The following SLC4A4 variants were observed in gnomAD, a reference collection of about 807,000 sequenced individuals.
SLC4A4 encodes solute carrier family 4 member 4.
Under a neutral mutation model 111.5 loss-of-function variants are expected in SLC4A4, and 27 were observed. The ratio of observed to expected loss-of-function variants is 0.24; its 90% CI spans 0.18 to 0.33. The LOEUF is 0.33. SLC4A4 is among the 10% of genes least tolerant of loss of function. The pLI is 1.00. For synonymous variants in SLC4A4, 443 were observed against 463.4 expected (o/e 0.96, Z 0.57); for missense variants, 909 against 1,315.5 (o/e 0.69, Z 4.78).
At chr4:71,515,686 T>C (rs1007229623) in intron 16 of SLC4A4, among the ~76,000 whole-genome samples, 7 of 152,224 alleles carry the variant, frequency 4.6e-5, no homozygotes, top group Admixed American at 3.3e-4. Flanking sequence ...AATTGTTATA[T>C]CCTCTTCCTG....
rs980495959 is a variant in SLC4A4 at position 71,459,201 on chromosome 4, C to G, written c.1497+5532C>G. Among the ~76,000 whole-genome samples the G allele has an allele frequency of 4.0e-5, 6 of 151,866 alleles. No individual in the cohort carries two copies. In the East Asian group the frequency reaches 1.2e-3, roughly 29 times the overall value. On this transcript the variant is annotated intron_variant, in intron 12 of 25. Transcript: ENST00000264485. ...TTTGTCACCCTATTTCCTTGATGAT[C>G]AGAAAATGATAGTGATTTAGGCAGG...
chr4:71,225,548 G>A (rs1350429628), intron 1 of SLC4A4, among the ~76,000 whole-genome samples: 3 of 152,160 alleles, frequency 2.0e-5, no homozygotes, highest in South Asian at 2.1e-4. Flanking sequence ...TAAAATTTCA[G>A]GAGCCTCATC....
At chr4:71,556,046 G>T (rs969038605) in intron 21 of SLC4A4, among the ~76,000 whole-genome samples, 3 of 151,926 alleles carry the variant, frequency 2.0e-5, no homozygotes, top group Admixed American at 6.6e-5. Flanking sequence ...CATGTCCTGT[G>T]AACATCATAA....
At chr4:71,439,155 A>G (rs1487548787) in intron 7 of SLC4A4, among the ~76,000 whole-genome samples, 2 of 152,018 alleles carry the variant, frequency 1.3e-5, no homozygotes, top group African/African-American at 2.4e-5. Flanking sequence ...CCAGCCAGAC[A>G]CAGTGGCTCA....
chr4:71,257,981 T>C (rs1476591394), intron 3 of SLC4A4, among the ~76,000 whole-genome samples: 1 of 152,230 alleles, frequency 6.6e-6, no homozygotes, highest in Non-Finnish European at 1.5e-5. Flanking sequence ...ACCTCTTGCA[T>C]AGACACTGCA....
chr4:71,285,709 A>G (rs905740656), intron 3 of SLC4A4, among the ~76,000 whole-genome samples: 2 of 152,194 alleles, frequency 1.3e-5, no homozygotes, highest in Non-Finnish European at 2.9e-5. Context: ...CATTGAAAAG[A>G]TGCATTTAAA....
chr4:71,381,895 G>A (rs186423138), intron 6 of SLC4A4, among the ~76,000 whole-genome samples: 9 of 152,294 alleles, frequency 5.9e-5, no homozygotes, highest in African/African-American at 2.2e-4. Context: ...CCTGAACAAA[G>A]TGAGAAGTGC....
intron 4 of SLC4A4, among the ~76,000 whole-genome samples, chr4:71,340,021 A>T (rs936809714): frequency 6.6e-6 from 1 of 151,732 alleles, no homozygotes; most frequent in African/African-American, 2.4e-5. Context: ...GTTCAAGACC[A>T]GCCTGGGCAA....
chr4:71,093,419 C>T (rs548488556), intron 2 of SLC4A4, among the ~76,000 whole-genome samples: 39 of 152,234 alleles, frequency 2.6e-4, no homozygotes, highest in African/African-American at 6.7e-4. Flanking sequence ...CTGCCTGTCT[C>T]GGCTTCTCAA....
At chr4:71,541,037 C>T (rs951055865) in intron 18 of SLC4A4, among the ~76,000 whole-genome samples, 2 of 152,086 alleles carry the variant, frequency 1.3e-5, no homozygotes, top group African/African-American at 4.8e-5. Context: ...TGTTTATCAG[C>T]ATTTCTAGTC....
rs1390074035 is a variant in SLC4A4, at chr4:71,567,796, GA to G, written c.*47del. ...TTTTCCTTTTTCTCTAGTCCTCCTA[GA>G]ACTCCAGTAAAAGTTGTGCCTCAAA... On this transcript the variant is annotated 3_prime_UTR_variant, in exon 26 of 26. Transcript: ENST00000264485. 1.3e-6 allele frequency: 2 copies of G among 1,497,376 alleles called. No homozygotes were observed. The highest frequency in any genetic ancestry group is 1.8e-6 in the Non-Finnish European group (2 of 1,108,192). 92.8% of individuals were successfully genotyped at this position (1,497,376 alleles called of 1,614,324 possible).
intron 1 of SLC4A4, among the ~76,000 whole-genome samples, chr4:71,231,931 G>A (rs1367736303): frequency 2.0e-5 from 3 of 152,156 alleles, no homozygotes; most frequent in Non-Finnish European, 2.9e-5. Flanking sequence ...GATTTGCGGT[G>A]GGGAGGGACA....
chr4:71,362,755 C>T (rs1467310805), intron 6 of SLC4A4, among the ~76,000 whole-genome samples: 1 of 152,140 alleles, frequency 6.6e-6, no homozygotes, highest in Non-Finnish European at 1.5e-5. Context: ...CTAAATCACA[C>T]TGGAAATCCA....
intron 12 of SLC4A4, among the ~76,000 whole-genome samples, chr4:71,460,750 A>G (rs1184016730): frequency 6.6e-6 from 1 of 152,104 alleles, no homozygotes. Flanking sequence ...GGAGAAGGGG[A>G]GGTACATCTC....
Position 71,134,925 on chromosome 4 carries a change from C to T in SLC4A4, c.-2+42133C>T, listed in dbSNP as rs557346805. Reference sequence around the variant, plus strand: ...TGTGCAGTTAAGAGCTGACCTTCAGCTCTAAACCAGCAAGGATGATGAAGC... The same window carrying T: ...TGTGCAGTTAAGAGCTGACCTTCAGTTCTAAACCAGCAAGGATGATGAAGC... On this transcript the variant is annotated intron_variant, in intron 2 of 26. Coordinates refer to the SLC4A4 transcript ENST00000649996. Among the ~76,000 whole-genome samples, 6 of 152,256 alleles carry T rather than the reference C, an allele frequency of 3.9e-5. No homozygotes were observed. In the South Asian group the frequency reaches 1.2e-3, roughly 32 times the overall value.
chr4:71,445,045 A>G (rs1725099250), intron 8 of SLC4A4, among the ~76,000 whole-genome samples: 1 of 152,216 alleles, frequency 6.6e-6, no homozygotes, highest in South Asian at 2.1e-4. Flanking sequence ...TGCATTACCC[A>G]GGAAAGAGGA....
At chr4:71,290,500 A>G (rs1311787736) in intron 3 of SLC4A4, among the ~76,000 whole-genome samples, 4 of 152,192 alleles carry the variant, frequency 2.6e-5, no homozygotes, top group Non-Finnish European at 4.4e-5. Flanking sequence ...TCTCAAGGGA[A>G]AGGTCTTTGG....
At chr4:71,128,742 A>T (rs1474601042) in intron 2 of SLC4A4, among the ~76,000 whole-genome samples, 1 of 151,776 alleles carries the variant, frequency 6.6e-6, no homozygotes, top group Non-Finnish European at 1.5e-5. Context: ...GACTGACTTG[A>T]CCTCCCAAAG....
chr4:71,097,385 A>G (rs1367119741), intron 2 of SLC4A4, among the ~76,000 whole-genome samples: 1 of 152,228 alleles, frequency 6.6e-6, no homozygotes, highest in Non-Finnish European at 1.5e-5. Context: ...ATAGTATTCC[A>G]TGGTGTATAT....
Sources: allele counts gnomAD v4.1 joint callset (sites outside exome capture counted in the v4.1 genomes callset), GRCh38; gene constraint gnomAD v4.1.1; transcripts MANE v1.5; gene names NCBI Gene and HGNC (gene_info 2026-07-23, HGNC 2026-07-21).